Variants in SPEM1 observed in about 807,000 individuals in gnomAD.
The protein encoded by SPEM1 is spermatid maturation protein 1.
SPEM1 carries 10 observed loss-of-function variants against 9.0 expected under a neutral mutation model. The observed-to-expected ratio is 1.11, with a 90% CI of 0.68 to 1.88. SPEM1 has a LOEUF of 1.88. SPEM1 is among the 40% of genes most tolerant of loss of function. The probability of loss-of-function intolerance (pLI) is 0.00; values close to 1 mark genes in which losing one functional copy is unlikely to be tolerated. For synonymous variants in SPEM1, 175 were observed against 157.8 expected, an observed-to-expected ratio of 1.11 and a Z score of -0.82; for missense variants, 401 against 408.6, an observed-to-expected ratio of 0.98 and a Z score of 0.16.
At position 7,421,368 on chromosome 17, in the gene SPEM1, G is replaced by A; in HGVS notation, c.693G>A (p.Glu231=). The change falls in exon 3 of 3, where the codon GAG becomes GAA. Residue 231 remains glutamate (E), a synonymous_variant. Coordinates refer to ENST00000323675, the MANE Select transcript of SPEM1 (RefSeq NM_199339.3). This position sits in a 1 kb window ranked among gnomAD's most constrained non-coding sequence, Gnocchi z 4.8. ...NGGEGAVPEA[E]AAQYQPVPAP... The stretch of plus-strand genomic sequence containing the variant: ...GGGAGGGGGCGGTGCCAGAGGCAGA[G>A]GCGGCTCAGTACCAGCCTGTCCCAG... 2 of 1,612,938 alleles carry A rather than the reference G, an allele frequency of 1.2e-6. No homozygotes were observed. The highest frequency in any genetic ancestry group is 1.7e-6 in the Non-Finnish European group (2 of 1,179,434).
Position 7,421,268 on chromosome 17 carries a change from T to C in SPEM1, c.593T>C (p.Leu198Pro), listed in dbSNP as rs1235800393. 1.9e-6 allele frequency: 3 copies of C among 1,614,046 alleles called. No individual in the cohort carries two copies. Among genetic ancestry groups the C allele is most frequent in the African/African-American group, 2.7e-5 (2 of 74,914 alleles). Residue 198 changes from leucine to proline, a missense_variant, in exon 3 of 3, where the codon CTG (leucine) becomes CCG (proline). Coordinates refer to ENST00000323675, the MANE Select transcript of SPEM1 (RefSeq NM_199339.3). The surrounding 1 kb of genome is among the most constrained non-coding windows in gnomAD (Gnocchi z 4.8). ...CTCAAAACAGGCATATGGTCCGAGC[T>C]GGGCCTAAGGGCCTATGTGTATCCT... is the stretch of plus-strand genomic sequence containing the variant. ...RPLKTGIWSE[L>P]GLRAYVYPVN...
At position 7,420,688 on chromosome 17, in the gene SPEM1, G is replaced by T. The variant is rs1172353017; in HGVS notation, c.205+1G>T. The stretch of plus-strand genomic sequence containing the variant: ...TTCCATGATACCATTTGTGAGAAAG[G>T]TAAGAGGTCTGGGGGCTGGGACATA... On this transcript the variant is annotated splice_donor_variant, in intron 2 of 2. Transcript: ENST00000323675. LOFTEE classifies it high-confidence loss of function. The T allele has an allele frequency of 1.9e-6, 3 of 1,613,914 alleles. No homozygotes were observed. The Admixed American group carries it at 5.0e-5, about 27-fold the overall frequency.
intron 2 of SPEM1, 34 bp from the exon 3 acceptor site, chr17:7,420,847 C>T (rs1263782748): frequency 6.2e-7 from 1 of 1,608,488 alleles, no homozygotes; most frequent in Non-Finnish European, 8.5e-7. Context: ...AGGAGCTGGC[C>T]TCCCCACTAG....
chr17:7,421,161 G>A lies in SPEM1; in HGVS notation c.486G>A (p.Gly162=). 1.9e-6 allele frequency: 3 copies of A among 1,613,924 alleles called. No homozygotes were observed. The highest frequency in any genetic ancestry group is 2.5e-6 in the Non-Finnish European group (3 of 1,179,888). ...EDWEGFQHTQ[G]TWVPWSQDAP... ...GGGAAGGCTTCCAACACACTCAGGG[G>A]ACCTGGGTTCCCTGGTCTCAGGATG... is the stretch of plus-strand genomic sequence containing the variant. The change falls in exon 3 of 3, where the codon GGG becomes GGA. Residue 162 remains glycine, a synonymous_variant. Coordinates refer to ENST00000323675, the MANE Select transcript of SPEM1 (RefSeq NM_199339.3). The surrounding 1 kb of genome is among the most constrained non-coding windows in gnomAD (Gnocchi z 4.8).
chr17:7,420,409 C>T lies in SPEM1; in HGVS notation c.25C>T (p.Pro9Ser), dbSNP rs1165988761. 1.3e-6 allele frequency: 2 copies of T among 1,564,570 alleles called. No individual in the cohort carries two copies. Among genetic ancestry groups the T allele is most frequent in the Admixed American group, 3.9e-5 (2 of 50,686 alleles). The change falls in exon 1 of 3, where the codon CCC becomes TCC. Residue 9 changes from proline to serine, a missense_variant. Pro to Ser is a moderately conservative substitution (Grantham distance 74). Transcript: ENST00000323675. Reference sequence around the variant, plus strand: ...CATGGCCATGGTTGAGCGGCCGAGGCCCGAGTGGGCCTCGTATCACAACTG... The same window carrying T: ...CATGGCCATGGTTGAGCGGCCGAGGTCCGAGTGGGCCTCGTATCACAACTG... The part of the protein sequence containing the change: MAMVERPR[P>S]EWASYHNCNS...
In SPEM1 at chr17:7,421,196, C is replaced by T. The variant is rs753702319; in HGVS notation, c.521C>T (p.Ser174Phe). The T allele has an allele frequency of 5.0e-6, 8 of 1,613,778 alleles. No homozygotes were observed. In the South Asian group the frequency reaches 7.7e-5, roughly 16 times the overall value. Residue 174 changes from serine (S) to phenylalanine (F), a missense_variant, in exon 3 of 3, where the codon TCC becomes TTC. Transcript: ENST00000323675. The surrounding 1 kb of genome is among the most constrained non-coding windows in gnomAD (Gnocchi z 4.8). Reference protein sequence around the residue: ...WVPWSQDAPESPPQTIRFQPT... With the variant: ...WVPWSQDAPEFPPQTIRFQPT... ...CCCTGGTCTCAGGATGCCCCAGAGT[C>T]CCCTCCCCAGACCATCCGCTTCCAG...
At position 7,421,587 on chromosome 17, in the gene SPEM1, T is replaced by C. The variant is rs1907411072; in HGVS notation, c.912T>C (p.Arg304=). The C allele has an allele frequency of 1.3e-5, 19 of 1,514,644 alleles. No homozygotes were observed. Among genetic ancestry groups the C allele is most frequent in the Non-Finnish European group, 1.6e-5 (18 of 1,136,698 alleles). 93.8% of individuals were successfully genotyped at this position (1,514,644 alleles called of 1,614,324 possible). The change falls in exon 3 of 3, where the codon CGT becomes CGC. Residue 304 remains arginine (R), a synonymous_variant. Transcript: ENST00000323675. The surrounding 1 kb of genome is among the most constrained non-coding windows in gnomAD (Gnocchi z 4.8). ...AGACAAGCAAGAATTGGGTGTACCG[T>C]TCCCTAACTGGGAGGTGACTGGAAA... ...AEETSKNWVY[R]SLTGR
rs1431751102 is a variant in SPEM1 at position 7,420,419 on chromosome 17, C to T, written c.35C>T (p.Ala12Val). The change falls in exon 1 of 3, where the codon GCC (alanine) becomes GTC (valine). Residue 12 changes from alanine to valine, a missense_variant. Physicochemically the swap from Ala to Val is moderately conservative, Grantham distance 64. Coordinates refer to ENST00000323675, the MANE Select transcript of SPEM1 (RefSeq NM_199339.3). ...AMVERPRPEW[A>V]SYHNCNSNSC... ...GTTGAGCGGCCGAGGCCCGAGTGGG[C>T]CTCGTATCACAACTGCAACAGCAAC... 5.7e-6 allele frequency: 9 copies of T among 1,577,784 alleles called. No homozygotes were observed. Among genetic ancestry groups the T allele is most frequent in the Non-Finnish European group, 7.7e-6 (9 of 1,161,600 alleles).
chr17:7,421,432 C>G lies in SPEM1; in HGVS notation c.757C>G (p.Arg253Gly), dbSNP rs571769033. 1.2e-6 allele frequency: 2 copies of G among 1,607,950 alleles called. No homozygotes were observed. The highest frequency in any genetic ancestry group is 4.5e-5 in the East Asian group (2 of 44,740). Residue 253 changes from arginine to glycine, a missense_variant, in exon 3 of 3, where the codon CGG (arginine) becomes GGG (glycine). By Grantham distance (125) the Arg-to-Gly change is moderately radical (BLOSUM62 -2). Transcript: ENST00000323675. The surrounding 1 kb of genome is among the most constrained non-coding windows in gnomAD (Gnocchi z 4.8). Reference sequence around the variant, plus strand: ...CCCAGCAGTCATCCCTGAATTTTCCCGGCACCGCTCCTCAGGCCGAATAGT... The same window carrying G: ...CCCAGCAGTCATCCCTGAATTTTCCGGGCACCGCTCCTCAGGCCGAATAGT... ...LGPAVIPEFSRHRSSGRIVYD... is the reference protein window; with the variant it reads ...LGPAVIPEFSGHRSSGRIVYD...
At chr17:7,420,728 C>T in intron 2 of SPEM1, 41 bp downstream of exon 2, 1 of 1,611,122 alleles carries the variant, frequency 6.2e-7, no homozygotes, top group Non-Finnish European at 8.5e-7. Flanking sequence ...GGGCAGAAAC[C>T]AAGTGCTCTA....
rs775145366 is a variant in SPEM1 at position 7,420,841 on chromosome 17, G to A, written c.206-40G>A. 3.5e-5 allele frequency: 56 copies of A among 1,607,446 alleles called. No individual in the cohort carries two copies. The Admixed American group carries it at 9.4e-4, about 27-fold the overall frequency. On this transcript the variant is annotated intron_variant, in intron 2 of 2. Transcript: ENST00000323675. ...GCCCTGCCTCTCCATGCCTGTAGGA[G>A]CTGGCCTCCCCACTAGTCTCACCTC...
Position 7,420,657 on chromosome 17 carries a change from C to A in SPEM1, c.175C>A (p.Gln59Lys). The A allele has an allele frequency of 6.2e-7, 1 of 1,614,104 alleles. No individual in the cohort carries two copies. Among genetic ancestry groups the A allele is most frequent in the Non-Finnish European group, 8.5e-7 (1 of 1,180,004 alleles). ...GAGCCGATTCCGTGGTGTCTTATACCAAGTGTTCCATGATACCATTTGTGA... is the reference window on the plus strand; with the variant it reads ...GAGCCGATTCCGTGGTGTCTTATACAAAGTGTTCCATGATACCATTTGTGA... ...LWSRFRGVLYQVFHDTICEKE... is the reference protein window; with the variant it reads ...LWSRFRGVLYKVFHDTICEKE... Residue 59 changes from glutamine (Q) to lysine (K), a missense_variant, in exon 2 of 3, where the codon CAA (glutamine) becomes AAA (lysine). Coordinates refer to ENST00000323675, the MANE Select transcript of SPEM1 (RefSeq NM_199339.3).
Position 7,420,457 on chromosome 17 carries a change from C to G in SPEM1, c.73C>G (p.Leu25Val), listed in dbSNP as rs754027969. The change falls in exon 1 of 3, where the codon CTG becomes GTG. Residue 25 changes from leucine (L) to valine (V), a missense_variant. By Grantham distance (32) the Leu-to-Val change is conservative (BLOSUM62 1). Transcript: ENST00000323675. ...HNCNSNSCQD[L>V]GNSVLLLLGL... ...CTGCAACAGCAACAGCTGCCAGGACCTGGGCAACTCTGTCCTGTTGCTGCT... is the reference window on the plus strand; with the variant it reads ...CTGCAACAGCAACAGCTGCCAGGACGTGGGCAACTCTGTCCTGTTGCTGCT... 3.8e-5 allele frequency: 61 copies of G among 1,604,512 alleles called. No individual in the cohort carries two copies. Among genetic ancestry groups the G allele is most frequent in the Non-Finnish European group, 4.7e-5 (55 of 1,175,740 alleles).
At position 7,420,877 on chromosome 17, in the gene SPEM1, A is replaced by G. The variant is rs767792647; in HGVS notation, c.206-4A>G. ...CACTAGTCTCACCTCTCCCCCATCC[A>G]CAGAAGCTCCCAAGTCATCATTACT... On this transcript the variant is annotated splice_region_variant and splice_polypyrimidine_tract_variant and intron_variant, in intron 2 of 2. Transcript: ENST00000323675. 6.2e-7 allele frequency: 1 copy of G among 1,612,500 alleles called. No homozygotes were observed. The highest frequency in any genetic ancestry group is 2.2e-5 in the East Asian group (1 of 44,850).
Position 7,421,288 on chromosome 17 carries a change from T to C in SPEM1, c.613T>C (p.Tyr205His), listed in dbSNP as rs1254104716. The change falls in exon 3 of 3, where the codon TAT becomes CAT. Residue 205 changes from tyrosine to histidine, a missense_variant. Physicochemically the swap from Tyr to His is moderately conservative, Grantham distance 83 (BLOSUM62 2). Coordinates refer to ENST00000323675, the MANE Select transcript of SPEM1 (RefSeq NM_199339.3). The surrounding 1 kb of genome is among the most constrained non-coding windows in gnomAD (Gnocchi z 4.8). ...CGAGCTGGGCCTAAGGGCCTATGTG[T>C]ATCCTGTGAACCCCCCACCTCCCAG... ...WSELGLRAYVYPVNPPPPSPE... is the reference protein window; with the variant it reads ...WSELGLRAYVHPVNPPPPSPE... The C allele has an allele frequency of 1.2e-6, 2 of 1,614,140 alleles. No individual in the cohort carries two copies. The highest frequency in any genetic ancestry group is 1.7e-5 in the Admixed American group (1 of 60,022).
rs1169353772 is a variant in SPEM1 at position 7,421,618 on chromosome 17, A to G, written c.*13A>G. On this transcript the variant is annotated 3_prime_UTR_variant, in exon 3 of 3. Transcript: ENST00000323675. The surrounding 1 kb of genome is among the most constrained non-coding windows in gnomAD (Gnocchi z 4.8). ...AACTGGGAGGTGACTGGAAAAAAAT[A>G]AAAAGGAGAGAGGAGGTGATCTGTG... 2 of 1,497,556 alleles carry G rather than the reference A, an allele frequency of 1.3e-6. No individual in the cohort carries two copies. Among genetic ancestry groups the G allele is most frequent in the Non-Finnish European group, 1.8e-6 (2 of 1,129,308 alleles). The allele number at this position is 1,497,556 out of a possible 1,614,324, so 92.8% of individuals were successfully genotyped here.
Position 7,421,568 on chromosome 17 carries a change from G to A in SPEM1, c.893G>A (p.Ser298Asn), listed in dbSNP as rs1907409943. The A allele has an allele frequency of 3.9e-6, 6 of 1,533,906 alleles. No homozygotes were observed. Among genetic ancestry groups the A allele is most frequent in the Non-Finnish European group, 4.4e-6 (5 of 1,145,982 alleles). The change falls in exon 3 of 3, where the codon AGC becomes AAC. Residue 298 changes from serine (S) to asparagine (N), a missense_variant. Ser to Asn is a conservative substitution (Grantham distance 46, BLOSUM62 1). Transcript: ENST00000323675. The surrounding 1 kb of genome is among the most constrained non-coding windows in gnomAD (Gnocchi z 4.8). ...ASGSSTAEET[S>N]KNWVYRSLTG... is the part of the protein sequence containing the mutation. ...GGATCCAGCACTGCCGAGGAGACAA[G>A]CAAGAATTGGGTGTACCGTTCCCTA...
In SPEM1 at chr17:7,420,511, A is replaced by G. The variant is rs761350477; in HGVS notation, c.127A>G (p.Ile43Val). ...LGLIICINIS[I>V]NIVTLLWSRF... is the part of the protein sequence containing the mutation. ...CCTCATCATCTGCATTAACATTAGC[A>G]TCAATATAGTGACCCTGGTCAGGGT... The change falls in exon 1 of 3, where the codon ATC (isoleucine) becomes GTC (valine). Residue 43 changes from isoleucine to valine, a missense_variant. By Grantham distance (29) the Ile-to-Val change is conservative (BLOSUM62 3). Transcript: ENST00000323675. 1 of 1,612,998 alleles carries G rather than the reference A, an allele frequency of 6.2e-7. No individual in the cohort carries two copies. Among genetic ancestry groups the G allele is most frequent in the Non-Finnish European group, 8.5e-7 (1 of 1,179,242 alleles).
chr17:7,421,013 G>T lies in SPEM1; in HGVS notation c.338G>T (p.Arg113Leu). ...TVSPPPAHRH[R>L]RRGSPTRCAH... ...TCCCCGCCCCCAGCTCACCGCCATCGCCGTCGAGGCTCTCCCACACGCTGT... is the reference window on the plus strand; with the variant it reads ...TCCCCGCCCCCAGCTCACCGCCATCTCCGTCGAGGCTCTCCCACACGCTGT... The change falls in exon 3 of 3, where the codon CGC (arginine) becomes CTC (leucine). Residue 113 changes from arginine to leucine, a missense_variant. Physicochemically the swap from Arg to Leu is moderately radical, Grantham distance 102. Transcript: ENST00000323675. This position sits in a 1 kb window ranked among gnomAD's most constrained non-coding sequence, Gnocchi z 4.8. 2 of 1,614,088 alleles carry T rather than the reference G, an allele frequency of 1.2e-6. No homozygotes were observed. The highest frequency in any genetic ancestry group is 2.2e-5 in the South Asian group (2 of 91,088).
Sources: allele counts gnomAD v4.1 joint callset, GRCh38; gene constraint gnomAD v4.1.1; non-coding constraint Gnocchi (gnomAD v3.1); transcripts MANE v1.5; gene names NCBI Gene and HGNC (gene_info 2026-07-23, HGNC 2026-07-21).